PAWR: variants seen among roughly 807,000 people sequenced by gnomAD.
PAWR encodes PRKC apoptosis WT1 regulator protein.
PAWR carries 23 observed loss-of-function variants against 32.0 expected under a neutral mutation model. The observed-to-expected ratio is 0.72, with a 90% CI of 0.52 to 1.02. The LOEUF (loss-of-function observed/expected upper bound fraction) is 1.02, where lower values mean the gene tolerates loss of function less well. PAWR is among the 50% of genes least tolerant of loss of function. The pLI is 0.00. For missense variants in PAWR, 457 were observed against 437.7 expected (o/e 1.04, Z -0.39); for synonymous variants, 226 against 187.1 (o/e 1.21, Z -1.70).
At chr12:79,650,736 A>T (rs76027038) in intron 2 of PAWR, among the ~76,000 whole-genome samples, 14 of 134,572 alleles carry the variant, frequency 1.0e-4, no homozygotes, top group Non-Finnish European at 2.4e-4. Context: ...AAAAAAAAAA[A>T]GGTACTTACA....
intron 4 of PAWR, among the ~76,000 whole-genome samples, chr12:79,608,098 ATTG>A (rs1467220703): frequency 6.6e-6 from 1 of 152,086 alleles, no homozygotes; most frequent in East Asian, 1.9e-4. Context: ...AAAAGTTAAC[ATTG>A]TTGTGTTGCA....
intron 2 of PAWR, among the ~76,000 whole-genome samples, chr12:79,656,974 G>A (rs184547317): frequency 4.2e-4 from 64 of 152,134 alleles, no homozygotes; most frequent in Admixed American, 4.2e-3. Flanking sequence ...TCAGAGTTCT[G>A]AAGAGGAAAA....
At chr12:79,623,763 G>C (rs1418581854) in intron 2 of PAWR, among the ~76,000 whole-genome samples, 1 of 151,726 alleles carries the variant, frequency 6.6e-6, no homozygotes, top group African/African-American at 2.4e-5. Flanking sequence ...GGAAAGTAGT[G>C]GTGCATCATC....
chr12:79,673,156 G>A (rs1877992828), intron 2 of PAWR, among the ~76,000 whole-genome samples: 2 of 152,144 alleles, frequency 1.3e-5, no homozygotes, highest in East Asian at 1.9e-4. Flanking sequence ...TGCAAGCTCC[G>A]CCTCCCAGGT....
chr12:79,595,737 A>G (rs1411384648), intron 5 of PAWR, among the ~76,000 whole-genome samples: 1 of 152,162 alleles, frequency 6.6e-6, no homozygotes. Flanking sequence ...CTGTAATCCC[A>G]GTTACTTGGA....
At chr12:79,611,461 AC>A (rs1874438866) in intron 4 of PAWR, among the ~76,000 whole-genome samples, 1 of 151,640 alleles carries the variant, frequency 6.6e-6, no homozygotes, top group Admixed American at 6.6e-5. Flanking sequence ...GTCAGCAGAC[AC>A]CTTCACTAAG....
chr12:79,613,471 T>C, intron 4 of PAWR, 104 bp downstream of exon 4: 1 of 561,130 alleles, frequency 1.8e-6, no homozygotes, highest in Non-Finnish European at 3.2e-6. Context: ...AGTAGAAAAG[T>C]TTCTTACTTT....
intron 4 of PAWR, chr12:79,604,303 G>GT (rs1198601339): frequency 3.0e-6 from 3 of 998,276 alleles, no homozygotes; most frequent in African/African-American, 1.7e-5. Context: ...AAAAGAAACA[G>GT]TATCATCAAA....
chr12:79,612,396 T>C (rs1369818348), intron 4 of PAWR, among the ~76,000 whole-genome samples: 1 of 152,134 alleles, frequency 6.6e-6, no homozygotes, highest in East Asian at 1.9e-4. Context: ...GGTTAATGAA[T>C]GTTTTATTTT....
intron 2 of PAWR, among the ~76,000 whole-genome samples, chr12:79,653,787 T>C (rs1384481586): frequency 6.6e-6 from 1 of 152,254 alleles, no homozygotes; most frequent in East Asian, 1.9e-4. Context: ...CCTCAGTGCT[T>C]ATTTTTTAAG....
At chr12:79,594,866 G>C (rs1400718362) in intron 5 of PAWR, among the ~76,000 whole-genome samples, 2 of 152,044 alleles carry the variant, frequency 1.3e-5, no homozygotes, top group African/African-American at 2.4e-5. Context: ...ACAGGTGCAT[G>C]CCACCATGCC....
intron 2 of PAWR, among the ~76,000 whole-genome samples, chr12:79,638,286 A>G (rs1024369839): frequency 3.9e-5 from 6 of 152,066 alleles, no homozygotes; most frequent in African/African-American, 1.4e-4. Flanking sequence ...TCATATTTTT[A>G]TTGGCTTTAT....
chr12:79,600,648 CTTTTTTT>C (rs1025749975), intron 4 of PAWR, among the ~76,000 whole-genome samples: 5 of 102,368 alleles, frequency 4.9e-5, no homozygotes, highest in Admixed American at 2.1e-4. Context: ...CCATACCTGG[CTTTTTTT>C]TTTTTTTTTT....
At chr12:79,608,156 T>C (rs1044919183) in intron 4 of PAWR, among the ~76,000 whole-genome samples, 3 of 152,198 alleles carry the variant, frequency 2.0e-5, no homozygotes, top group African/African-American at 4.8e-5. Context: ...AATAAATTAT[T>C]CATCTCTAAA....
chr12:79,600,272 G>C (rs948246116), intron 4 of PAWR, among the ~76,000 whole-genome samples: 10 of 151,972 alleles, frequency 6.6e-5, no homozygotes, highest in Non-Finnish European at 1.3e-4. Flanking sequence ...GTCCAGTAAA[G>C]TTTGTTTTGT....
Position 79,690,085 on chromosome 12 carries a change from G to T in PAWR, c.160C>A (p.Pro54Thr). The T allele has an allele frequency of 7.0e-7, 1 of 1,436,198 alleles. No homozygotes were observed. 89.0% of individuals were successfully genotyped at this position (1,436,198 alleles called of 1,614,324 possible). A position where few individuals can be genotyped will look rare whatever the true frequency, so the allele number is the denominator to read the frequency against. Reference protein sequence around the residue: ...GGSSDAAGKPPAGALGTPAAA... With the variant: ...GGSSDAAGKPTAGALGTPAAA... Reference sequence around the variant, plus strand: ...GCCGGGGTGCCCAGAGCCCCCGCGGGGGGCTTCCCAGCGGCGTCGCTGCTG... The same window carrying T: ...GCCGGGGTGCCCAGAGCCCCCGCGGTGGGCTTCCCAGCGGCGTCGCTGCTG... The change falls in exon 2 of 7, where the codon CCC (proline) becomes ACC (threonine). Residue 54 changes from proline to threonine, a missense_variant. Physicochemically the swap from Pro to Thr is conservative, Grantham distance 38. Coordinates refer to ENST00000328827, the MANE Select transcript of PAWR (RefSeq NM_002583.4).
Position 79,689,880 on chromosome 12 carries a change from G to T in PAWR, c.365C>A (p.Pro122Gln). Residue 122 changes from proline to glutamine, a missense_variant, in exon 2 of 7, where the codon CCG (proline) becomes CAG (glutamine). Pro to Gln is a moderately conservative substitution (Grantham distance 76). Coordinates refer to ENST00000328827, the MANE Select transcript of PAWR (RefSeq NM_002583.4). Reference sequence around the variant, plus strand: ...CGGCTCCTCCTCGTCACGCTGGGGCGGCGGTGCAGCCGAGGCAGAGGCGGC... The same window carrying T: ...CGGCTCCTCCTCGTCACGCTGGGGCTGCGGTGCAGCCGAGGCAGAGGCGGC... ...PPAASASAAPPPQRDEEEPDG... is the reference protein window; with the variant it reads ...PPAASASAAPQPQRDEEEPDG... 6.4e-7 allele frequency: 1 copy of T among 1,554,470 alleles called. No individual in the cohort carries two copies. Among genetic ancestry groups the T allele is most frequent in the East Asian group, 2.5e-5 (1 of 40,748 alleles).
At chr12:79,643,427 CA>C (rs1876427218) in intron 2 of PAWR, among the ~76,000 whole-genome samples, 1 of 152,076 alleles carries the variant, frequency 6.6e-6, no homozygotes, top group Non-Finnish European at 1.5e-5. Flanking sequence ...ATCTTCTCAA[CA>C]AAACGTCCAG....
At chr12:79,683,291 C>T (rs978885350) in intron 2 of PAWR, among the ~76,000 whole-genome samples, 1 of 152,204 alleles carries the variant, frequency 6.6e-6, no homozygotes, top group Non-Finnish European at 1.5e-5. Flanking sequence ...ATTTTTATAA[C>T]ATTTTCACAA....
Sources: gnomAD v4.1 joint callset for allele counts (sites outside exome capture counted in the v4.1 genomes callset) on GRCh38, gnomAD v4.1.1 for gene constraint, MANE v1.5 for transcripts, NCBI Gene and HGNC (gene_info 2026-07-23, HGNC 2026-07-21) for gene names.